Variants in UNC80 observed in about 807,000 individuals in gnomAD.
UNC80 encodes the protein unc-80 subunit of NALCN channel complex.
Under a neutral mutation model 384.6 loss-of-function variants are expected in UNC80, and 164 were observed. That is an observed-to-expected ratio of 0.43 (90% CI 0.38 to 0.49). The LOEUF (loss-of-function observed/expected upper bound fraction) is 0.49. UNC80 is among the 20% of genes least tolerant of loss of function. The pLI is 0.00. For missense variants in UNC80, 3,330 were observed against 4,143.0 expected, an observed-to-expected ratio of 0.80 and a Z score of 5.39; for synonymous variants, 1,486 against 1,527.8, an observed-to-expected ratio of 0.97 and a Z score of 0.64.
intron 15 of UNC80, among the ~76,000 whole-genome samples, chr2:209,830,146 T>G (rs967706059): frequency 6.6e-6 from 1 of 152,252 alleles, no homozygotes; most frequent in African/African-American, 2.4e-5. Context: ...AGGCTTTTAT[T>G]GTTTATATAA....
In UNC80 at chr2:209,881,625, G is replaced by GCACA. The variant is rs113873662; in HGVS notation, c.4110+554_4110+557dup. Among the ~76,000 whole-genome samples the GCACA allele has an allele frequency of 5.5e-3, 804 of 147,234 alleles. 8 individuals carry two copies. Among genetic ancestry groups the GCACA allele is most frequent in the African/African-American group, 0.018 (736 of 40,404 alleles). On this transcript the variant is annotated intron_variant, in intron 25 of 64. Coordinates refer to ENST00000673920, the MANE Select transcript of UNC80 (RefSeq NM_001371986.1). ...GAAATAAGACCATGCATGTGTGCAT[G>GCACA]CACACACACACACACACACACACAC...
chr2:209,981,422 A>G (rs2093153325), intron 59 of UNC80, among the ~76,000 whole-genome samples: 1 of 152,220 alleles, frequency 6.6e-6, no homozygotes. Flanking sequence ...TACTAAAAAT[A>G]CAAAAACTAG....
intron 50 of UNC80, among the ~76,000 whole-genome samples, 161 bp downstream of exon 50, chr2:209,959,315 C>T (rs187031840): frequency 3.9e-4 from 59 of 152,318 alleles, no homozygotes; most frequent in African/African-American, 1.4e-3. Flanking sequence ...ATGACAGTCT[C>T]TTCTAGGCTG....
intron 28 of UNC80, among the ~76,000 whole-genome samples, chr2:209,903,306 ATATAT>A (rs1456660454): frequency 1.0e-5 from 1 of 97,512 alleles, no homozygotes; most frequent in African/African-American, 3.6e-5. Context: ...TATACAATAT[ATATAT>A]TATATTATAT....
intron 22 of UNC80, among the ~76,000 whole-genome samples, chr2:209,854,150 C>A (rs1225428061): frequency 6.6e-6 from 1 of 151,898 alleles, no homozygotes; most frequent in East Asian, 1.9e-4. Context: ...ATGATCAATG[C>A]AAATTAGGTC....
rs1217157194 is a variant in UNC80 at position 209,980,440 on chromosome 2, A to C, written c.9118+1732A>C. The stretch of plus-strand genomic sequence containing the variant: ...AACACTAACATACTGATGAGGCAGC[A>C]GGGGGACTGGGGAGCCATGCAATTT... On this transcript the variant is annotated intron_variant, in intron 59 of 64. Coordinates refer to ENST00000673920, the MANE Select transcript of UNC80 (RefSeq NM_001371986.1). 3.3e-5 allele frequency among the ~76,000 whole-genome samples: 5 copies of C among 152,164 alleles called. No individual in the cohort carries two copies. In the East Asian group the frequency reaches 7.7e-4, roughly 23 times the overall value.
chr2:209,808,900 C>A, intron 7 of UNC80: 1 of 282,026 alleles, frequency 3.5e-6, no homozygotes. Context: ...TACCTTCCAG[C>A]AGCAGCCCTA....
At chr2:209,853,053 A>T (rs2082646130) in intron 22 of UNC80, among the ~76,000 whole-genome samples, 1 of 152,140 alleles carries the variant, frequency 6.6e-6, no homozygotes, top group Non-Finnish European at 1.5e-5. Context: ...ATATACATAT[A>T]CAGAGATAGA....
chr2:209,872,750 C>A lies in UNC80; in HGVS notation c.3628-8C>A. 1 of 1,551,110 alleles carries A rather than the reference C, an allele frequency of 6.4e-7. No individual in the cohort carries two copies. Among genetic ancestry groups the A allele is most frequent in the Non-Finnish European group, 8.7e-7 (1 of 1,146,534 alleles). The stretch of plus-strand genomic sequence containing the variant: ...CCACATTATTCTTTCCTAAACAACC[C>A]TACACAGGAAGCCCCTGTGGTGGCC... On this transcript the variant is annotated splice_polypyrimidine_tract_variant and splice_region_variant and intron_variant, in intron 22 of 64. Transcript: ENST00000673920. This position sits in a 1 kb window ranked among gnomAD's most constrained non-coding sequence, Gnocchi z 4.1.
At chr2:209,959,798 A>G in intron 51 of UNC80, 91 bp downstream of exon 51, 1 of 1,180,234 alleles carries the variant, frequency 8.5e-7, no homozygotes, top group Non-Finnish European at 1.2e-6. Context: ...GGGGTTCTCC[A>G]GGAAAAACTC....
intron 16 of UNC80, among the ~76,000 whole-genome samples, chr2:209,833,060 G>A (rs1165020851): frequency 6.6e-6 from 1 of 152,094 alleles, no homozygotes; most frequent in Non-Finnish European, 1.5e-5. Context: ...ATTCCTAGAG[G>A]AACTACTGCA....
At chr2:209,948,251 C>T (rs1311995205) in intron 47 of UNC80, among the ~76,000 whole-genome samples, 2 of 152,014 alleles carry the variant, frequency 1.3e-5, no homozygotes, top group Non-Finnish European at 2.9e-5. Context: ...TAGATACTAC[C>T]AAAAAGTTTT....
intron 29 of UNC80, among the ~76,000 whole-genome samples, chr2:209,909,779 A>G (rs760282494): frequency 3.9e-5 from 6 of 152,060 alleles, no homozygotes; most frequent in Non-Finnish European, 7.4e-5. Flanking sequence ...AGACATATAC[A>G]TAGGAAAAAA....
At position 209,941,262 on chromosome 2, in the gene UNC80, T is replaced by C. The variant is rs555938822; in HGVS notation, c.6688T>C (p.Leu2230=). The C allele has an allele frequency of 2.0e-6, 3 of 1,537,620 alleles. No individual in the cohort carries two copies. The highest frequency in any genetic ancestry group is 2.6e-6 in the Non-Finnish European group (3 of 1,135,694). The change falls in exon 44 of 65, where the codon TTG becomes CTG. Residue 2230 remains leucine (L), a synonymous_variant. Transcript: ENST00000673920. Reference sequence around the variant, plus strand: ...TGGCCTCGACACTCTTCAGAAAAGCTTGTGGATCCAGCTGCTGGAGGAAAT... The same window carrying C: ...TGGCCTCGACACTCTTCAGAAAAGCCTGTGGATCCAGCTGCTGGAGGAAAT... The part of the protein sequence containing the change: ...LFGLDTLQKS[L]WIQLLEEMFL...
At chr2:209,974,751 G>A (rs1359767178) in intron 56 of UNC80, among the ~76,000 whole-genome samples, 1 of 152,202 alleles carries the variant, frequency 6.6e-6, no homozygotes, top group African/African-American at 2.4e-5. Flanking sequence ...ATCTTAATAA[G>A]TGACAGAGCT....
At chr2:209,987,392 C>G (rs551830370) in intron 61 of UNC80, among the ~76,000 whole-genome samples, 1 of 152,194 alleles carries the variant, frequency 6.6e-6, no homozygotes, top group Admixed American at 6.5e-5. Context: ...AGAAAAGATT[C>G]TTTGTATTGG....
intron 48 of UNC80, among the ~76,000 whole-genome samples, chr2:209,956,218 C>G (rs1195203690): frequency 6.6e-6 from 1 of 152,206 alleles, no homozygotes; most frequent in Non-Finnish European, 1.5e-5. Context: ...ATTTAATATT[C>G]TTTTGGCAGA....
At position 209,976,249 on chromosome 2, in the gene UNC80, C is replaced by T. The variant is rs779342576; in HGVS notation, c.8718C>T (p.Ile2906=). The T allele has an allele frequency of 2.3e-5, 36 of 1,551,614 alleles. No homozygotes were observed. Among genetic ancestry groups the T allele is most frequent in the Non-Finnish European group, 2.8e-5 (32 of 1,147,014 alleles). ...CCCTTTGGGATTTCCTCGACTTCAT[C>T]GTGCGGACCCGAATACCCATCTTTG... ...GLALWDFLDF[I]VRTRIPIFVL... The change falls in exon 57 of 65, where the codon ATC becomes ATT. Residue 2906 remains isoleucine (I), a synonymous_variant. Coordinates refer to ENST00000673920, the MANE Select transcript of UNC80 (RefSeq NM_001371986.1). The surrounding 1 kb of genome is among the most constrained non-coding windows in gnomAD (Gnocchi z 4.3).
intron 22 of UNC80, among the ~76,000 whole-genome samples, chr2:209,852,569 A>G (rs1259058835): frequency 6.6e-6 from 1 of 152,156 alleles, no homozygotes; most frequent in Non-Finnish European, 1.5e-5. Context: ...TTTCTCAGCT[A>G]TGGAAAGTGA....
Sources: gnomAD v4.1 joint callset for allele counts (sites outside exome capture counted in the v4.1 genomes callset) on GRCh38, gnomAD v4.1.1 for gene constraint, Gnocchi (gnomAD v3.1) non-coding constraint, MANE v1.5 for transcripts, NCBI Gene and HGNC (gene_info 2026-07-23, HGNC 2026-07-21) for gene names.